KCTD8: variants seen among roughly 807,000 people sequenced by gnomAD.
The protein encoded by KCTD8 is BTB/POZ domain-containing protein KCTD8.
Under a neutral mutation model 31.5 loss-of-function variants are expected in KCTD8, and 27 were observed. The observed-to-expected ratio is 0.86, with a 90% CI of 0.63 to 1.18. The LOEUF (loss-of-function observed/expected upper bound fraction) is 1.18. KCTD8 is among the 50% of genes most tolerant of loss of function. The pLI is 0.00. For missense variants in KCTD8, 658 were observed against 647.7 expected, an observed-to-expected ratio of 1.02 and a Z score of -0.17; for synonymous variants, 290 against 280.0, an observed-to-expected ratio of 1.04 and a Z score of -0.36.
chr4:44,383,440 C>T (rs1720125820), intron 1 of KCTD8, among the ~76,000 whole-genome samples: 1 of 151,906 alleles, frequency 6.6e-6, no homozygotes, highest in Admixed American at 6.6e-5. Context: ...AGGAACCAAA[C>T]CAGCATGGTA....
chr4:44,308,241 T>A (rs977745036), intron 1 of KCTD8, among the ~76,000 whole-genome samples: 1 of 152,060 alleles, frequency 6.6e-6, no homozygotes, highest in Non-Finnish European at 1.5e-5. Context: ...TTCAAACTGG[T>A]ATATCGATAT....
rs543815276 is a variant in KCTD8, at chr4:44,402,864, A to G, written c.961+44699T>C. Among the ~76,000 whole-genome samples the G allele has an allele frequency of 3.3e-5, 5 of 152,310 alleles. No homozygotes were observed. In the East Asian group the frequency reaches 9.7e-4, roughly 29 times the overall value. On this transcript the variant is annotated intron_variant, in intron 1 of 1. Coordinates refer to ENST00000360029, the MANE Select transcript of KCTD8 (RefSeq NM_198353.3). The stretch of plus-strand genomic sequence containing the variant: ...CATTATGTGAGCCATCCAGAGTACA[A>G]ATGACTTCCAAGAACACTCAAACTG...
intron 1 of KCTD8, among the ~76,000 whole-genome samples, chr4:44,407,911 T>A (rs1708743376): frequency 6.6e-6 from 1 of 152,158 alleles, no homozygotes. Context: ...TGCTCATTTT[T>A]ATTCCGCACC....
chr4:44,373,362 A>G (rs1719839952), intron 1 of KCTD8, among the ~76,000 whole-genome samples: 1 of 151,716 alleles, frequency 6.6e-6, no homozygotes, highest in Non-Finnish European at 1.5e-5. Flanking sequence ...TCTGTCTCAA[A>G]AAAAAAAAGG....
At chr4:44,446,067 C>G (rs1005136329) in intron 1 of KCTD8, among the ~76,000 whole-genome samples, 2 of 152,160 alleles carry the variant, frequency 1.3e-5, no homozygotes, top group African/African-American at 4.8e-5. Flanking sequence ...ATTTGCTTCT[C>G]TGTTGAAACC....
At chr4:44,185,766 C>T (rs1713567507) in intron 1 of KCTD8, among the ~76,000 whole-genome samples, 1 of 151,452 alleles carries the variant, frequency 6.6e-6, no homozygotes, top group Middle Eastern at 3.4e-3. Context: ...TTTTAATAAC[C>T]CATAGTTGTT....
intron 1 of KCTD8, among the ~76,000 whole-genome samples, chr4:44,307,820 G>A (rs1389400967): frequency 3.3e-5 from 5 of 151,866 alleles, no homozygotes; most frequent in African/African-American, 9.7e-5. Flanking sequence ...CAAAATGCAT[G>A]AATAGCTAAC....
At chr4:44,333,495 A>G (rs1044206552) in intron 1 of KCTD8, among the ~76,000 whole-genome samples, 63 of 152,266 alleles carry the variant, frequency 4.1e-4, no homozygotes, top group African/African-American at 1.5e-3. Context: ...AGAGCTGAGC[A>G]CAAGCTGGGT....
chr4:44,218,325 G>A (rs1020332996), intron 1 of KCTD8, among the ~76,000 whole-genome samples: 1 of 150,978 alleles, frequency 6.6e-6, no homozygotes, highest in Middle Eastern at 3.4e-3. Flanking sequence ...GTAGAGACAG[G>A]GTTTCGCCAC....
chr4:44,311,979 A>G (rs146785500), intron 1 of KCTD8, among the ~76,000 whole-genome samples: 1 of 151,932 alleles, frequency 6.6e-6, no homozygotes, highest in Non-Finnish European at 1.5e-5. Flanking sequence ...AGAAATAAAG[A>G]ATCATAATTA....
intron 1 of KCTD8, among the ~76,000 whole-genome samples, chr4:44,257,689 A>T (rs1009393670): frequency 6.6e-6 from 1 of 151,994 alleles, no homozygotes; most frequent in African/African-American, 2.4e-5. Context: ...TAATAGGCAC[A>T]CTGATGTCAT....
intron 1 of KCTD8, among the ~76,000 whole-genome samples, chr4:44,224,866 C>T (rs960564447): frequency 6.7e-6 from 1 of 148,352 alleles, no homozygotes; most frequent in African/African-American, 2.5e-5. Flanking sequence ...TCCATGTCCA[C>T]CCAGCCAATG....
intron 1 of KCTD8, among the ~76,000 whole-genome samples, chr4:44,323,858 C>T (rs1320593819): frequency 6.6e-6 from 1 of 151,638 alleles, no homozygotes; most frequent in Non-Finnish European, 1.5e-5. Context: ...ATTATCATCG[C>T]CTGGTCTGTC....
intron 1 of KCTD8, among the ~76,000 whole-genome samples, chr4:44,372,867 T>C (rs1324209762): frequency 6.6e-6 from 1 of 152,202 alleles, no homozygotes; most frequent in Non-Finnish European, 1.5e-5. Context: ...ACATTATCTT[T>C]CATTGCAGCA....
chr4:44,316,783 T>C (rs1180430706), intron 1 of KCTD8, among the ~76,000 whole-genome samples: 2 of 79,298 alleles, frequency 2.5e-5, no homozygotes, highest in East Asian at 4.3e-4. Flanking sequence ...ACCCCATCTC[T>C]ACTAAAAATA....
At chr4:44,413,905 G>C (rs1721015165) in intron 1 of KCTD8, among the ~76,000 whole-genome samples, 1 of 152,106 alleles carries the variant, frequency 6.6e-6, no homozygotes, top group Non-Finnish European at 1.5e-5. Flanking sequence ...GAAAGAAAGA[G>C]ATTGATTTGA....
chr4:44,301,275 C>T (rs986964666), intron 1 of KCTD8, among the ~76,000 whole-genome samples: 3 of 152,114 alleles, frequency 2.0e-5, no homozygotes, highest in African/African-American at 7.2e-5. Flanking sequence ...AGTTTTAGAT[C>T]CCTGAGGAAT....
chr4:44,193,512 C>A (rs1421841063), intron 1 of KCTD8, among the ~76,000 whole-genome samples: 1 of 151,958 alleles, frequency 6.6e-6, no homozygotes, highest in Non-Finnish European at 1.5e-5. Flanking sequence ...ATTTCAAGCC[C>A]TTAAGGATTA....
chr4:44,261,919 G>T (rs977461340), intron 1 of KCTD8, among the ~76,000 whole-genome samples: 3 of 151,956 alleles, frequency 2.0e-5, no homozygotes, highest in Non-Finnish European at 4.4e-5. Flanking sequence ...ATAATTTTTA[G>T]TTGTCAATTA....
Sources: allele counts gnomAD v4.1 joint callset (sites outside exome capture counted in the v4.1 genomes callset), GRCh38; gene constraint gnomAD v4.1.1; transcripts MANE v1.5; gene names NCBI Gene and HGNC (gene_info 2026-07-23, HGNC 2026-07-21).